Variants in KCNH7 observed in about 807,000 individuals in gnomAD.
The protein encoded by KCNH7 is potassium voltage-gated channel subfamily H member 7, also known as voltage-gated inwardly rectifying potassium channel KCNH7.
KCNH7 carries 49 observed loss-of-function variants against 120.8 expected under a neutral mutation model. The ratio of observed to expected loss-of-function variants is 0.41; its 90% confidence interval spans 0.32 to 0.51. The LOEUF is 0.51. Ranked by LOEUF, KCNH7 falls within the 20% of genes least tolerant of loss-of-function variation. The pLI, the probability that KCNH7 is intolerant of heterozygous loss-of-function variation, is 0.38. For synonymous variants in KCNH7, 547 were observed against 516.1 expected (o/e 1.06, Z -0.81); for missense variants, 1,097 against 1,446.6 (o/e 0.76, Z 3.92).
chr2:162,668,571 C>T (rs1402090062), intron 2 of KCNH7, among the ~76,000 whole-genome samples: 1 of 152,052 alleles, frequency 6.6e-6, no homozygotes, highest in Non-Finnish European at 1.5e-5. Context: ...CTAGCTTTCC[C>T]TAGGGCTTGA....
intron 3 of KCNH7, among the ~76,000 whole-genome samples, chr2:162,523,190 G>A (rs377334070): frequency 1.6e-4 from 25 of 151,802 alleles, no homozygotes; most frequent in African/African-American, 4.8e-4. Context: ...ATCTACATGA[G>A]AATCTAATGA....
At chr2:162,710,895 T>C (rs1176492462) in intron 2 of KCNH7, among the ~76,000 whole-genome samples, 1 of 152,144 alleles carries the variant, frequency 6.6e-6, no homozygotes, top group Non-Finnish European at 1.5e-5. Flanking sequence ...TATATTACAG[T>C]TCAAGCAGAA....
At chr2:162,689,559 A>C (rs1052073239) in intron 2 of KCNH7, among the ~76,000 whole-genome samples, 17 of 152,160 alleles carry the variant, frequency 1.1e-4, no homozygotes, top group Non-Finnish European at 7.3e-5. Flanking sequence ...ATAACTCAAT[A>C]ACTACAATAT....
intron 6 of KCNH7, among the ~76,000 whole-genome samples, chr2:162,494,612 A>G (rs546528585): frequency 6.6e-6 from 1 of 152,256 alleles, no homozygotes; most frequent in South Asian, 2.1e-4. Flanking sequence ...CCTATTGTAA[A>G]CTACAGAAAT....
chr2:162,633,711 T>C (rs1248931164), intron 2 of KCNH7, among the ~76,000 whole-genome samples: 2 of 152,020 alleles, frequency 1.3e-5, no homozygotes, highest in Non-Finnish European at 2.9e-5. Context: ...TTTGAATGCA[T>C]CCATTTTATT....
At chr2:162,399,375 A>G (rs1435748610) in intron 10 of KCNH7, among the ~76,000 whole-genome samples, 1 of 151,324 alleles carries the variant, frequency 6.6e-6, no homozygotes, top group Non-Finnish European at 1.5e-5. Context: ...TAAGTTTTTA[A>G]AATTTTTTTA....
At chr2:162,498,012 G>C (rs921480972) in intron 6 of KCNH7, among the ~76,000 whole-genome samples, 2 of 151,860 alleles carry the variant, frequency 1.3e-5, no homozygotes, top group Non-Finnish European at 1.5e-5. Context: ...AAGTTATTTT[G>C]TGATTAAATC....
chr2:162,527,561 G>C (rs1339913091), intron 3 of KCNH7, among the ~76,000 whole-genome samples: 1 of 151,934 alleles, frequency 6.6e-6, no homozygotes, highest in Non-Finnish European at 1.5e-5. Context: ...CAATTATCTA[G>C]AGTATTGAGT....
chr2:162,381,222 T>TA (rs763478388), intron 13 of KCNH7, among the ~76,000 whole-genome samples: 18 of 151,866 alleles, frequency 1.2e-4, no homozygotes, highest in Non-Finnish European at 2.4e-4. Context: ...TAGAAAGACT[T>TA]AAAAAAAACT....
chr2:162,808,745 AT>A (rs1684634763), intron 2 of KCNH7, among the ~76,000 whole-genome samples: 1 of 151,674 alleles, frequency 6.6e-6, no homozygotes, highest in African/African-American at 2.4e-5. Context: ...AAAGATATAT[AT>A]ACATATAATA....
intron 2 of KCNH7, among the ~76,000 whole-genome samples, chr2:162,613,075 A>G (rs985672507): frequency 1.3e-5 from 2 of 151,986 alleles, no homozygotes; most frequent in African/African-American, 4.8e-5. Flanking sequence ...AAACAACCAC[A>G]TATGCCTTTC....
At chr2:162,668,505 T>A (rs886336515) in intron 2 of KCNH7, among the ~76,000 whole-genome samples, 2 of 152,152 alleles carry the variant, frequency 1.3e-5, no homozygotes, top group African/African-American at 4.8e-5. Context: ...CAAATTAAGT[T>A]ACCTGAGCCA....
At chr2:162,784,624 T>G (rs916877689) in intron 2 of KCNH7, 3 of 152,112 alleles carry the variant, frequency 2.0e-5, no homozygotes, top group Non-Finnish European at 4.4e-5. Flanking sequence ...GCCAGAGAAC[T>G]CCAGGTTCAA....
chr2:162,537,573 T>C (rs1692151569), intron 2 of KCNH7, among the ~76,000 whole-genome samples: 1 of 152,102 alleles, frequency 6.6e-6, no homozygotes, highest in Non-Finnish European at 1.5e-5. Context: ...CTCTATCTTA[T>C]ATATGTTACA....
intron 6 of KCNH7, among the ~76,000 whole-genome samples, chr2:162,498,193 AT>A (rs1690558535): frequency 6.6e-6 from 1 of 152,084 alleles, no homozygotes; most frequent in African/African-American, 2.4e-5. Flanking sequence ...TTTCCACTGA[AT>A]TCACCAGACA....
chr2:162,674,147 G>A (rs1292811355), intron 2 of KCNH7, among the ~76,000 whole-genome samples: 1 of 151,686 alleles, frequency 6.6e-6, no homozygotes, highest in African/African-American at 2.4e-5. Context: ...TAAATTTTTA[G>A]AATTAATAAG....
At chr2:162,789,153 C>A (rs1435355544) in intron 2 of KCNH7, among the ~76,000 whole-genome samples, 1 of 151,890 alleles carries the variant, frequency 6.6e-6, no homozygotes, top group Non-Finnish European at 1.5e-5. Flanking sequence ...CAAGTTAAAA[C>A]AAAAGCAAAC....
intron 3 of KCNH7, among the ~76,000 whole-genome samples, chr2:162,520,394 C>T (rs1387130217): frequency 6.6e-6 from 1 of 151,620 alleles, no homozygotes; most frequent in African/African-American, 2.4e-5. Context: ...TAATTTCTTG[C>T]AAGAAAATGC....
rs745497316 is a variant in KCNH7 at position 162,400,342 on chromosome 2, C to T, written c.2254G>A (p.Gly752Ser). ...NCKAFRGASK[G>S]CLRALAMKFK... ...TTCATTGCCAAAGCTCTAAGGCAAC[C>T]TTTACTTGCCCCCCGAAAGGCTTTG... is the stretch of plus-strand genomic sequence containing the variant. Residue 752 changes from glycine (G) to serine (S), a missense_variant, in exon 10 of 16, where the codon GGT becomes AGT. Physicochemically the swap from Gly to Ser is moderately conservative, Grantham distance 56. Transcript: ENST00000332142. 3.1e-6 allele frequency: 5 copies of T among 1,612,532 alleles called. No homozygotes were observed. The highest frequency in any genetic ancestry group is 1.7e-5 in the Admixed American group (1 of 59,828).
Sources: gnomAD v4.1 joint callset for allele counts (sites outside exome capture counted in the v4.1 genomes callset) on GRCh38, gnomAD v4.1.1 for gene constraint, MANE v1.5 for transcripts, NCBI Gene and HGNC (gene_info 2026-07-23, HGNC 2026-07-21) for gene names.